PVT1: variants seen among roughly 807,000 people sequenced by gnomAD.
PVT1 encodes Pvt1 oncogene.
At chr8:127,883,055 A>C (rs1158162270) in intron 2 of PVT1, among the ~76,000 whole-genome samples, 1 of 112,268 alleles carries the variant, frequency 8.9e-6, no homozygotes, top group Admixed American at 9.5e-5. Flanking sequence ...ACATGCATGC[A>C]CACACATCAC....
intron 4 of PVT1, among the ~76,000 whole-genome samples, chr8:128,005,625 G>A (rs1817237987): frequency 6.6e-6 from 1 of 152,152 alleles, no homozygotes; most frequent in African/African-American, 2.4e-5. Flanking sequence ...AGTACTCTCG[G>A]TTTGTCTGGC....
At chr8:127,896,991 C>T (rs1269910885) in intron 3 of PVT1, among the ~76,000 whole-genome samples, 1 of 152,154 alleles carries the variant, frequency 6.6e-6, no homozygotes, top group Non-Finnish European at 1.5e-5. Flanking sequence ...CCTGGCTTTC[C>T]CAGCTAGAGC....
chr8:127,919,341 T>C (rs962402535), intron 3 of PVT1, among the ~76,000 whole-genome samples: 2 of 152,204 alleles, frequency 1.3e-5, no homozygotes, highest in African/African-American at 2.4e-5. Context: ...GTGACTTCTT[T>C]TAACAAGTGG....
At chr8:127,860,539 C>T (rs964058649) in intron 2 of PVT1, among the ~76,000 whole-genome samples, 9 of 151,648 alleles carry the variant, frequency 5.9e-5, no homozygotes, top group Non-Finnish European at 5.9e-5. Context: ...CCAAGGTGGG[C>T]GGATCACAAG....
At chr8:127,844,149 AT>A (rs1237086521) in intron 2 of PVT1, among the ~76,000 whole-genome samples, 1 of 151,122 alleles carries the variant, frequency 6.6e-6, no homozygotes, top group Non-Finnish European at 1.5e-5. Context: ...TGCCCGGCTA[AT>A]TTTTTTTGTA....
In PVT1 at chr8:127,921,273, C is replaced by T. The variant is rs75852829; in HGVS notation, n.782+30275C>T. Among the ~76,000 whole-genome samples, 733 of 151,758 alleles carry T rather than the reference C, an allele frequency of 4.8e-3. 4 individuals carry two copies. The highest frequency in any genetic ancestry group is 7.9e-3 in the Non-Finnish European group (537 of 67,966). On this transcript the variant is annotated intron_variant and non_coding_transcript_variant, in intron 3 of 10. Coordinates refer to ENST00000651587, the Ensembl canonical transcript of PVT1. ...CACTAGCAGAATCAGGGTTGTTAAC[C>T]GTGGAGAAGAGAAAGGAAAGATGAT...
chr8:127,960,758 G>T (rs1202086086), intron 3 of PVT1: 4 of 458,054 alleles, frequency 8.7e-6, no homozygotes, highest in African/African-American at 8.2e-5. Context: ...TGTGGGGAGA[G>T]AGTATTATTG....
At chr8:128,017,637 A>T (rs981503585) in intron 4 of PVT1, among the ~76,000 whole-genome samples, 1 of 150,040 alleles carries the variant, frequency 6.7e-6, no homozygotes, top group Non-Finnish European at 1.5e-5. Flanking sequence ...GGATCTTGCT[A>T]TGTTGCCAGG....
At chr8:127,932,452 A>T (rs971662671) in intron 3 of PVT1, 1 of 398,428 alleles carries the variant, frequency 2.5e-6, no homozygotes, top group African/African-American at 2.1e-5. Flanking sequence ...TTTTCTTTCT[A>T]TCCTGTCTGC....
chr8:128,096,938 G>T (rs942850608), intron 6 of PVT1, among the ~76,000 whole-genome samples: 1 of 152,210 alleles, frequency 6.6e-6, no homozygotes, highest in African/African-American at 2.4e-5. Context: ...CAGGCCCCCA[G>T]TCTTGCCATG....
chr8:127,843,609 AT>A (rs532647920), intron 2 of PVT1, among the ~76,000 whole-genome samples: 3 of 149,752 alleles, frequency 2.0e-5, no homozygotes, highest in African/African-American at 7.4e-5. Flanking sequence ...CGACCGGCTA[AT>A]TTTTTTTTGT....
At chr8:127,947,415 G>A (rs1000449436) in intron 3 of PVT1, 2 of 246,768 alleles carry the variant, frequency 8.1e-6, no homozygotes, top group South Asian at 1.1e-4. Flanking sequence ...GCCGTTGAAA[G>A]TCCCCTCATC....
At chr8:127,850,109 G>A (rs1180936330) in intron 2 of PVT1, among the ~76,000 whole-genome samples, 1 of 152,170 alleles carries the variant, frequency 6.6e-6, no homozygotes, top group Non-Finnish European at 1.5e-5. Flanking sequence ...CTACATGTGT[G>A]TGAGCCTGTG....
At chr8:127,991,028 G>A (rs537655634) in intron 4 of PVT1, among the ~76,000 whole-genome samples, 6 of 152,136 alleles carry the variant, frequency 3.9e-5, no homozygotes, top group Admixed American at 2.6e-4. Context: ...TTCATATTAC[G>A]CATTCATTTT....
chr8:128,025,801 C>T (rs940679411), intron 4 of PVT1, among the ~76,000 whole-genome samples: 1 of 152,176 alleles, frequency 6.6e-6, no homozygotes, highest in Non-Finnish European at 1.5e-5. Context: ...GTCTCCCAAA[C>T]CCTGTGAATG....
chr8:127,857,581 G>A (rs1048834714), intron 2 of PVT1, among the ~76,000 whole-genome samples: 5 of 152,168 alleles, frequency 3.3e-5, no homozygotes, highest in African/African-American at 9.7e-5. Flanking sequence ...TGAAAGAGGA[G>A]GAGATGGGAG....
Position 128,015,790 on chromosome 8 carries a change from AG to A in PVT1, n.912+26501del, listed in dbSNP as rs1370081330. ...TTGTCTCAAAAAAAAAAAAAAAAAA[AG>A]GTTTGAGAAGGGTTTTCCTGGTCAT... On this transcript the variant is annotated intron_variant and non_coding_transcript_variant, in intron 4 of 10. Transcript: ENST00000651587. Among the ~76,000 whole-genome samples the A allele has an allele frequency of 5.5e-4, 79 of 143,976 alleles. 10 individuals are homozygous for A. The highest frequency in any genetic ancestry group is 1.6e-3 in the East Asian group (8 of 5,070). The allele number at this position is 143,976 out of a possible 152,430, so 94.5% of individuals were successfully genotyped here.
intron 2 of PVT1, among the ~76,000 whole-genome samples, chr8:127,804,625 C>T (rs1283863943): frequency 6.8e-6 from 1 of 147,946 alleles, no homozygotes; most frequent in African/African-American, 2.5e-5. Context: ...ACTGCAACCT[C>T]TACCTCCCAG....
chr8:128,043,773 TACACACACAC>T (rs112991135), intron 4 of PVT1, among the ~76,000 whole-genome samples: 5 of 140,740 alleles, frequency 3.6e-5, no homozygotes, highest in South Asian at 2.2e-4. Flanking sequence ...AACTATTTCC[TACACACACAC>T]ACACACACAC....
Sources: allele counts gnomAD v4.1 joint callset (sites outside exome capture counted in the v4.1 genomes callset), GRCh38; gene constraint gnomAD v4.1.1; transcripts MANE v1.5; gene names NCBI Gene and HGNC (gene_info 2026-07-23, HGNC 2026-07-21).